The following GBP6 variants were observed in gnomAD, a reference collection of about 807,000 sequenced individuals.
The protein encoded by GBP6 is guanylate-binding protein 6.
In GBP6, 54 loss-of-function variants were observed where a neutral mutation model predicts 61.5. That is an observed-to-expected ratio of 0.88 (90% CI 0.71 to 1.10). The LOEUF (loss-of-function observed/expected upper bound fraction) is 1.10. Ranked by LOEUF, GBP6 falls within the 50% of genes least tolerant of loss-of-function variation. The pLI is 0.00. For synonymous variants in GBP6, 255 were observed against 273.7 expected, an observed-to-expected ratio of 0.93 and a Z score of 0.67; for missense variants, 748 against 752.8, an observed-to-expected ratio of 0.99 and a Z score of 0.07.
rs1045291860 is a variant in GBP6, at chr1:89,384,339, A to T, written c.1662+53A>T. On this transcript the variant is annotated intron_variant, in intron 10 of 10. Transcript: ENST00000370456. The stretch of plus-strand genomic sequence containing the variant: ...CAGACGGTCCTCACCCAGGTACCTC[A>T]GGAAGGGCTGGTGAAGGTTACAGCA... 102 of 1,448,582 alleles carry T rather than the reference A, an allele frequency of 7.0e-5. No homozygotes were observed. The Middle Eastern group carries it at 1.2e-3, about 17-fold the overall frequency. The allele number at this position is 1,448,582 out of a possible 1,614,324, so 89.7% of individuals were successfully genotyped here. A position where few individuals can be genotyped will look rare whatever the true frequency, so the allele number is the denominator to read the frequency against.
At chr1:89,371,386 C>T (rs561064421) in intron 3 of GBP6, among the ~76,000 whole-genome samples, 6 of 152,286 alleles carry the variant, frequency 3.9e-5, no homozygotes, top group South Asian at 2.1e-4. Flanking sequence ...ACCAATATCC[C>T]TGATGAACAT....
intron 5 of GBP6, 87 bp downstream of exon 5, chr1:89,378,700 AT>A: frequency 9.5e-7 from 1 of 1,057,636 alleles, no homozygotes; most frequent in South Asian, 1.6e-5. Flanking sequence ...TTTCATTTGT[AT>A]TTGAGACTAG....
chr1:89,370,211 T>C (rs1290166954), intron 3 of GBP6, among the ~76,000 whole-genome samples: 1 of 152,214 alleles, frequency 6.6e-6, no homozygotes, highest in Non-Finnish European at 1.5e-5. Flanking sequence ...AGCTGACACC[T>C]GTGATCCAGG....
intron 3 of GBP6, among the ~76,000 whole-genome samples, chr1:89,372,033 G>A (rs540601458): frequency 2.0e-5 from 3 of 152,226 alleles, no homozygotes; most frequent in East Asian, 3.9e-4. Context: ...GACAAACAGA[G>A]AGCCAAATCA....
chr1:89,370,650 GT>G (rs1652603324), intron 3 of GBP6, among the ~76,000 whole-genome samples: 1 of 151,978 alleles, frequency 6.6e-6, no homozygotes, highest in African/African-American at 2.4e-5. Context: ...TAGAAATTCT[GT>G]TTATTTTTCT....
intron 3 of GBP6, among the ~76,000 whole-genome samples, chr1:89,373,926 G>A (rs1160264401): frequency 2.0e-5 from 3 of 151,920 alleles, no homozygotes; most frequent in Admixed American, 2.0e-4. Context: ...CATAATCCCC[G>A]CATGTCGTGG....
At chr1:89,376,751 T>C (rs1652819464) in intron 3 of GBP6, among the ~76,000 whole-genome samples, 1 of 152,136 alleles carries the variant, frequency 6.6e-6, no homozygotes, top group Admixed American at 6.6e-5. Flanking sequence ...TTAAGAATAT[T>C]ATTGGGGCCA....
chr1:89,369,738 G>A, intron 3 of GBP6, 65 bp downstream of exon 3: 2 of 1,536,082 alleles, frequency 1.3e-6, no homozygotes, highest in Non-Finnish European at 1.8e-6. Context: ...TTAAACTGTT[G>A]TGATCTATTT....
intron 5 of GBP6, among the ~76,000 whole-genome samples, chr1:89,379,179 C>A (rs1652890102): frequency 6.6e-6 from 1 of 152,084 alleles, no homozygotes; most frequent in South Asian, 2.1e-4. Flanking sequence ...GTGAAGGGGG[C>A]AGCTGGTGTG....
chr1:89,365,734 C>T (rs1652451695), intron 1 of GBP6, among the ~76,000 whole-genome samples: 1 of 152,126 alleles, frequency 6.6e-6, no homozygotes, highest in Non-Finnish European at 1.5e-5. Flanking sequence ...GTTTTATTAT[C>T]AAAACACCCT....
At chr1:89,368,979 G>A (rs1043870743) in intron 2 of GBP6, among the ~76,000 whole-genome samples, 1 of 152,084 alleles carries the variant, frequency 6.6e-6, no homozygotes, top group Non-Finnish European at 1.5e-5. Flanking sequence ...CTTCCCTTGT[G>A]TATTCAAGTC....
At position 89,378,224 on chromosome 1, in the gene GBP6, G is replaced by A. The variant is rs375000563; in HGVS notation, c.428+12G>A. ...CTGGAGCAGCTGCAGTATCCTTCCA[G>A]GAACAGAACAGAACCACCAGGTTTC... is the stretch of plus-strand genomic sequence containing the variant. On this transcript the variant is annotated intron_variant, in intron 4 of 10. Coordinates refer to ENST00000370456, the MANE Select transcript of GBP6 (RefSeq NM_198460.3). 1.5e-4 allele frequency: 239 copies of A among 1,601,350 alleles called. No homozygotes were observed. The highest frequency in any genetic ancestry group is 4.7e-4 in the Admixed American group (26 of 55,256).
In GBP6 at chr1:89,381,795, G is replaced by C; in HGVS notation, c.973G>C (p.Ala325Pro). Residue 325 changes from alanine to proline, a missense_variant, in exon 7 of 11, where the codon GCG (alanine) becomes CCG (proline). By Grantham distance (27) the Ala-to-Pro change is conservative (BLOSUM62 -1). Transcript: ENST00000370456. ...VITLAQRENS[A>P]AVQRAADYYS... ...AACTCTGGCCCAGCGTGAGAACTCA[G>C]CGGCCGTGCAGAGGGCAGCTGACTA... 6.2e-7 allele frequency: 1 copy of C among 1,614,134 alleles called. No homozygotes were observed. The highest frequency in any genetic ancestry group is 8.5e-7 in the Non-Finnish European group (1 of 1,180,008).
chr1:89,383,994 T>C (rs1653061626), intron 9 of GBP6, 99 bp from the exon 10 acceptor site: 1 of 1,239,926 alleles, frequency 8.1e-7, no homozygotes, highest in Non-Finnish European at 1.1e-6. Context: ...CTGTGATTTC[T>C]CACCCTGCCT....
At chr1:89,379,059 T>C (rs956003770) in intron 5 of GBP6, among the ~76,000 whole-genome samples, 5 of 152,190 alleles carry the variant, frequency 3.3e-5, no homozygotes, top group Non-Finnish European at 7.4e-5. Flanking sequence ...GCCTGGGTAA[T>C]TTATAAAGAA....
At chr1:89,364,994 C>A (rs538586514) in intron 1 of GBP6, among the ~76,000 whole-genome samples, 99 of 148,322 alleles carry the variant, frequency 6.7e-4, no homozygotes, top group African/African-American at 2.3e-3. Context: ...TTCCCACCCC[C>A]ACCCCCAGCG....
Position 89,381,950 on chromosome 1 carries a change from T to C in GBP6, c.1128T>C (p.Asn376=). 4 of 1,610,214 alleles carry C rather than the reference T, an allele frequency of 2.5e-6. No individual in the cohort carries two copies. The South Asian group carries it at 4.4e-5, about 18-fold the overall frequency. Residue 376 remains asparagine (N), a synonymous_variant, in exon 7 of 11, where the codon AAT becomes AAC. Transcript: ENST00000370456. The part of the protein sequence containing the change: ...IFMEHSFKDE[N]QEFQKKFMET... ...TGGAGCACTCCTTCAAGGATGAAAATCAGGAATTCCAGAAGAAGTTCATGG... is the reference window on the plus strand; with the variant it reads ...TGGAGCACTCCTTCAAGGATGAAAACCAGGAATTCCAGAAGAAGTTCATGG...
chr1:89,372,813 T>C (rs1356375600), intron 3 of GBP6, among the ~76,000 whole-genome samples: 1 of 151,944 alleles, frequency 6.6e-6, no homozygotes. Flanking sequence ...AATTGACAAA[T>C]GGGATCTAAT....
intron 3 of GBP6, among the ~76,000 whole-genome samples, chr1:89,374,378 T>G (rs1200533303): frequency 6.6e-6 from 1 of 152,192 alleles, no homozygotes; most frequent in African/African-American, 2.4e-5. Context: ...CATATTTAAA[T>G]ATAAATATAA....
Sources: allele counts gnomAD v4.1 joint callset (sites outside exome capture counted in the v4.1 genomes callset), GRCh38; gene constraint gnomAD v4.1.1; transcripts MANE v1.5; gene names NCBI Gene and HGNC (gene_info 2026-07-23, HGNC 2026-07-21).